GRID2: variants seen among roughly 807,000 people sequenced by gnomAD.
GRID2 encodes glutamate ionotropic receptor delta type subunit 2.
GRID2 carries 33 observed loss-of-function variants against 114.8 expected under a neutral mutation model. The ratio of observed to expected loss-of-function variants is 0.29; its 90% CI spans 0.22 to 0.38. The LOEUF (loss-of-function observed/expected upper bound fraction) is 0.38. Among genes scored for constraint, GRID2 ranks in the 10% least tolerant of loss-of-function variants. GRID2 has a pLI of 1.00. For missense variants in GRID2, 1,184 were observed against 1,257.7 expected (o/e 0.94, Z 0.89); for synonymous variants, 505 against 449.9 (o/e 1.12, Z -1.55).
chr4:92,965,029 A>T (rs919915864), intron 2 of GRID2, among the ~76,000 whole-genome samples: 1 of 151,954 alleles, frequency 6.6e-6, no homozygotes, highest in Non-Finnish European at 1.5e-5. Flanking sequence ...GTTCCTCATC[A>T]AGCCTAATAT....
intron 2 of GRID2, among the ~76,000 whole-genome samples, chr4:93,061,196 G>GA (rs1727769993): frequency 8.9e-6 from 1 of 112,758 alleles, no homozygotes; most frequent in Non-Finnish European, 1.9e-5. Flanking sequence ...GGTTTTTCTT[G>GA]TTTTTTTTTT....
At chr4:93,478,245 C>A (rs1293884691) in intron 11 of GRID2, among the ~76,000 whole-genome samples, 1 of 152,062 alleles carries the variant, frequency 6.6e-6, no homozygotes, top group Non-Finnish European at 1.5e-5. Context: ...TAGCAATTGG[C>A]ACTTAAAAGT....
chr4:93,734,170 A>G (rs918855051), intron 14 of GRID2, among the ~76,000 whole-genome samples: 3 of 152,084 alleles, frequency 2.0e-5, no homozygotes, highest in African/African-American at 7.2e-5. Flanking sequence ...AGCTGAGAAC[A>G]ATAGTTGGCT....
chr4:93,384,976 T>A (rs1359043571), intron 8 of GRID2, among the ~76,000 whole-genome samples: 1 of 152,166 alleles, frequency 6.6e-6, no homozygotes, highest in East Asian at 1.9e-4. Context: ...TCAACATGCC[T>A]GTTGAGTTAA....
chr4:93,585,631 C>T (rs1178749144), intron 13 of GRID2, among the ~76,000 whole-genome samples: 1 of 152,050 alleles, frequency 6.6e-6, no homozygotes, highest in Non-Finnish European at 1.5e-5. Flanking sequence ...TCCACCCCAG[C>T]TTCTCCATAA....
At chr4:92,910,889 A>C (rs1048362906) in intron 2 of GRID2, among the ~76,000 whole-genome samples, 1 of 152,152 alleles carries the variant, frequency 6.6e-6, no homozygotes, top group African/African-American at 2.4e-5. Flanking sequence ...GTACATGTTC[A>C]GTACAAACAC....
intron 1 of GRID2, among the ~76,000 whole-genome samples, chr4:92,382,550 T>C (rs1729669957): frequency 6.6e-6 from 1 of 152,086 alleles, no homozygotes; most frequent in African/African-American, 2.4e-5. Flanking sequence ...ACTTAAGTTT[T>C]GCATTAATAT....
chr4:92,459,969 G>A (rs1721400155), intron 1 of GRID2, among the ~76,000 whole-genome samples: 1 of 141,378 alleles, frequency 7.1e-6, no homozygotes, highest in South Asian at 2.3e-4. Context: ...CTGCTGGCCT[G>A]CCCTGCACTC....
At chr4:92,399,215 A>C (rs897117811) in intron 1 of GRID2, among the ~76,000 whole-genome samples, 5 of 152,148 alleles carry the variant, frequency 3.3e-5, no homozygotes, top group Admixed American at 6.6e-5. Flanking sequence ...CCACCGTTTT[A>C]TAATAATAAC....
chr4:92,727,231 A>C (rs1736110450), intron 2 of GRID2, among the ~76,000 whole-genome samples: 1 of 152,120 alleles, frequency 6.6e-6, no homozygotes, highest in South Asian at 2.1e-4. Context: ...GTTCGTATAC[A>C]ATAAAAAGAC....
chr4:93,432,336 T>C (rs1042713229), intron 10 of GRID2, among the ~76,000 whole-genome samples: 1 of 152,078 alleles, frequency 6.6e-6, no homozygotes, highest in African/African-American at 2.4e-5. Context: ...GGGAATTAAA[T>C]GAGATGAAAG....
At chr4:93,230,268 C>T (rs1271719107) in intron 7 of GRID2, among the ~76,000 whole-genome samples, 3 of 151,832 alleles carry the variant, frequency 2.0e-5, no homozygotes, top group Admixed American at 6.6e-5. Flanking sequence ...TTTTGACTGA[C>T]CTGATCAACT....
chr4:93,740,005 T>G (rs1239234259), intron 14 of GRID2, among the ~76,000 whole-genome samples: 1 of 152,140 alleles, frequency 6.6e-6, no homozygotes, highest in South Asian at 2.1e-4. Flanking sequence ...GATTGAGGCT[T>G]TAGAAACAAT....
intron 2 of GRID2, among the ~76,000 whole-genome samples, chr4:92,594,868 T>C (rs1422347245): frequency 6.6e-6 from 1 of 152,052 alleles, no homozygotes; most frequent in Non-Finnish European, 1.5e-5. Flanking sequence ...TTATTGTTTA[T>C]ATTGTTAGCT....
At chr4:92,905,238 T>C (rs1175762805) in intron 2 of GRID2, among the ~76,000 whole-genome samples, 1 of 151,682 alleles carries the variant, frequency 6.6e-6, no homozygotes, top group African/African-American at 2.4e-5. Flanking sequence ...ATTTGATTCA[T>C]CCCACCCAAG....
chr4:92,755,601 G>A (rs1324459942), intron 2 of GRID2, among the ~76,000 whole-genome samples: 1 of 152,050 alleles, frequency 6.6e-6, no homozygotes, highest in Non-Finnish European at 1.5e-5. Context: ...TACAGGCAAT[G>A]TTAAGAAAAT....
chr4:93,515,472 G>A (rs1051159585), intron 13 of GRID2, 61 bp downstream of exon 13: 95 of 1,122,994 alleles, frequency 8.5e-5, no homozygotes, highest in African/African-American at 4.1e-4. Flanking sequence ...CTGGAATTGC[G>A]CAGTTGAGAT....
intron 2 of GRID2, among the ~76,000 whole-genome samples, chr4:92,689,737 G>T (rs1195254819): frequency 1.3e-5 from 2 of 152,200 alleles, no homozygotes; most frequent in Non-Finnish European, 2.9e-5. Flanking sequence ...GGGGGTGGTT[G>T]TTCTATACAG....
intron 14 of GRID2, among the ~76,000 whole-genome samples, chr4:93,702,072 T>C (rs186384878): frequency 7.9e-5 from 12 of 152,270 alleles, no homozygotes; most frequent in Admixed American, 7.2e-4. Flanking sequence ...GGTTTGGTGA[T>C]GCTTGATTAG....
Sources: gnomAD v4.1 joint callset for allele counts (sites outside exome capture counted in the v4.1 genomes callset) on GRCh38, gnomAD v4.1.1 for gene constraint, MANE v1.5 for transcripts, NCBI Gene and HGNC (gene_info 2026-07-23, HGNC 2026-07-21) for gene names.